The following TUBB8 variants were observed in gnomAD, a reference collection of about 807,000 sequenced individuals.
The protein encoded by TUBB8 is tubulin beta 8 class VIII.
In TUBB8, 25 loss-of-function variants were observed where a neutral mutation model predicts 33.7. That is an observed-to-expected ratio of 0.74 (90% CI 0.54 to 1.04). The LOEUF (loss-of-function observed/expected upper bound fraction) is 1.04, where lower values mean the gene tolerates loss of function less well. Ranked by LOEUF, TUBB8 falls within the 50% of genes least tolerant of loss-of-function variation. The pLI is 0.00. For missense variants in TUBB8, 279 were observed against 608.0 expected, an observed-to-expected ratio of 0.46 and a Z score of 5.69; for synonymous variants, 245 against 240.1, an observed-to-expected ratio of 1.02 and a Z score of -0.19.
intron 1 of TUBB8, among the ~76,000 whole-genome samples, chr10:59,282 G>A (rs190672256): frequency 1.6e-4 from 24 of 150,300 alleles, no homozygotes; most frequent in Non-Finnish European, 2.4e-4. Context: ...TCTGCCTCCC[G>A]GGTTCAAGCG....
At chr10:55,388 C>T (rs1834518243) in intron 1 of TUBB8, among the ~76,000 whole-genome samples, 1 of 152,172 alleles carries the variant, frequency 6.6e-6, no homozygotes, top group South Asian at 2.1e-4. Flanking sequence ...TATCACATCG[C>T]TATTAATTGC....
At chr10:72,405 A>G (rs1173995006) in intron 1 of TUBB8, among the ~76,000 whole-genome samples, 7 of 151,482 alleles carry the variant, frequency 4.6e-5, no homozygotes, top group Non-Finnish European at 8.8e-5. Flanking sequence ...TTAAAAATAC[A>G]AAATTAGCCC....
chr10:59,531 A>T (rs1303440028), intron 1 of TUBB8, among the ~76,000 whole-genome samples: 2 of 152,190 alleles, frequency 1.3e-5, no homozygotes, highest in Non-Finnish European at 2.9e-5. Context: ...ACTGATTTGC[A>T]TGTTGAACCA....
In TUBB8 at chr10:48,036, AC is replaced by A. The variant is rs1457409511; in HGVS notation, c.355del (p.Val119LeufsTer17). The stretch of plus-strand genomic sequence containing the variant: ...ACAGCTCTCAGCCTCCTTTCTGACA[AC>A]GTCCATCACTGACTCCATCAGCTCC... Reference protein sequence around the residue: ...GAELMESVMDVVRKEAESCDC... With the variant: ...GAELMESVMDXVRKEAESCDC... On this transcript the variant is annotated frameshift_variant, in exon 4 of 4. Transcript: ENST00000568584. LOFTEE classifies it high-confidence loss of function. 1 of 1,613,840 alleles carries A rather than the reference AC, an allele frequency of 6.2e-7. No homozygotes were observed. Among genetic ancestry groups the A allele is most frequent in the Non-Finnish European group, 8.5e-7 (1 of 1,179,978 alleles).
At chr10:48,444 C>A in intron 3 of TUBB8, 171 bp downstream of exon 3, 1 of 700,046 alleles carries the variant, frequency 1.4e-6, no homozygotes, top group Admixed American at 2.1e-5. Context: ...ACACCAGGGC[C>A]TTCCTCCCGA....
upstream of TUBB8, among the ~76,000 whole-genome samples, chr10:74,624 T>C (rs1348925266): frequency 7.1e-5 from 1 of 14,022 alleles, no homozygotes; most frequent in Non-Finnish European, 1.3e-4. Flanking sequence ...AGACTCAGTA[T>C]CAAAAAAAAA....
chr10:69,321 T>G lies in TUBB8; in HGVS notation c.-846+4648A>C, dbSNP rs529173777. ...GCAGCCTCCTGGGTGTCTCGAGTAT[T>G]TAATGCATGTTCCCTCAAGCCATTC... On this transcript the variant is annotated intron_variant, in intron 1 of 3. Transcript: ENST00000564130. 2.2e-3 allele frequency among the ~76,000 whole-genome samples: 339 copies of G among 152,294 alleles called. 2 individuals carry two copies. The highest frequency in any genetic ancestry group is 7.8e-3 in the African/African-American group (326 of 41,552).
chr10:64,507 C>A (rs1834644508), intron 1 of TUBB8, among the ~76,000 whole-genome samples: 1 of 151,992 alleles, frequency 6.6e-6, no homozygotes, highest in Non-Finnish European at 1.5e-5. Flanking sequence ...CTCACCCTCA[C>A]CCTCACCCTA....
At chr10:56,690 A>G (rs1274393896) in intron 1 of TUBB8, among the ~76,000 whole-genome samples, 3 of 152,226 alleles carry the variant, frequency 2.0e-5, no homozygotes, top group East Asian at 1.9e-4. Flanking sequence ...TCCTGCCCTC[A>G]TGATTCAATC....
intron 1 of TUBB8, among the ~76,000 whole-genome samples, chr10:66,190 C>A (rs373543975): frequency 0.1 from 10,979 of 107,886 alleles, no homozygotes; most frequent in African/African-American, 0.22. Flanking sequence ...GGAAACAGTA[C>A]AAATGGCTAC....
chr10:69,726 C>T (rs1205929154), intron 1 of TUBB8, among the ~76,000 whole-genome samples: 1 of 152,142 alleles, frequency 6.6e-6, no homozygotes, highest in Non-Finnish European at 1.5e-5. Context: ...AAAACCTCAT[C>T]TCTACAAAAA....
upstream of TUBB8, among the ~76,000 whole-genome samples, chr10:74,943 T>C (rs1486045877): frequency 2.7e-5 from 4 of 149,990 alleles, no homozygotes; most frequent in African/African-American, 9.8e-5. Flanking sequence ...GGCGCGATCT[T>C]GGCTCACTGC....
chr10:63,042 T>C (rs1834623571), intron 1 of TUBB8, among the ~76,000 whole-genome samples: 1 of 151,966 alleles, frequency 6.6e-6, no homozygotes, highest in Admixed American at 6.6e-5. Context: ...TGGGGAATTG[T>C]TTAATATTAT....
chr10:49,816 T>TA (rs2131814980), upstream of TUBB8: 1 of 337,854 alleles, frequency 3.0e-6, no homozygotes, highest in East Asian at 7.9e-5. Context: ...AGAGTAGGGT[T>TA]AGCCCTTTCA....
At chr10:63,105 A>T (rs1475995011) in intron 1 of TUBB8, among the ~76,000 whole-genome samples, 1 of 127,964 alleles carries the variant, frequency 7.8e-6, no homozygotes, top group Admixed American at 7.8e-5. Context: ...ATGGAGTCTC[A>T]CTCTGTAGCC....
chr10:50,328 T>C (rs1554739368), upstream of TUBB8: 1 of 152,216 alleles, frequency 6.6e-6, no homozygotes. Context: ...GATTGGTACT[T>C]GGCATTAGTA....
chr10:56,245 T>C (rs1834529943), intron 1 of TUBB8, among the ~76,000 whole-genome samples: 1 of 152,246 alleles, frequency 6.6e-6, no homozygotes, highest in Admixed American at 6.5e-5. Context: ...CTATTGCAAA[T>C]AGGATTACTT....
At chr10:52,783 T>A (rs1224328269), upstream of TUBB8, among the ~76,000 whole-genome samples, 5 of 152,242 alleles carry the variant, frequency 3.3e-5, no homozygotes, top group East Asian at 9.6e-4. Flanking sequence ...TGTGGCTATT[T>A]TCAGACCATA....
upstream of TUBB8, among the ~76,000 whole-genome samples, chr10:74,690 G>A (rs1225325155): frequency 3.8e-5 from 5 of 132,342 alleles, no homozygotes; most frequent in African/African-American, 9.2e-5. Flanking sequence ...AAAGAAGGAA[G>A]AAAGTAAGGG....
Sources: gnomAD v4.1 joint callset for allele counts (sites outside exome capture counted in the v4.1 genomes callset) on GRCh38, gnomAD v4.1.1 for gene constraint, MANE v1.5 for transcripts, NCBI Gene and HGNC (gene_info 2026-07-23, HGNC 2026-07-21) for gene names.